UBXN8: variants seen among roughly 807,000 people sequenced by gnomAD.
UBXN8 encodes UBX domain-containing protein 8.
UBXN8 carries 27 observed loss-of-function variants against 32.1 expected under a neutral mutation model. That is an observed-to-expected ratio of 0.84 (90% CI 0.62 to 1.16). The LOEUF (loss-of-function observed/expected upper bound fraction) is 1.16, where lower values mean the gene tolerates loss of function less well. Among genes scored for constraint, UBXN8 ranks in the 50% most tolerant of loss-of-function variants. The pLI, the probability that UBXN8 is intolerant of heterozygous loss-of-function variation, is 0.00. For synonymous variants in UBXN8, 109 were observed against 111.8 expected (o/e 0.98, Z 0.16); for missense variants, 306 against 311.4 (o/e 0.98, Z 0.13).
intron 2 of UBXN8, among the ~76,000 whole-genome samples, chr8:30,751,906 T>C (rs1182453213): frequency 6.6e-6 from 1 of 151,312 alleles, no homozygotes; most frequent in Non-Finnish European, 1.5e-5. Flanking sequence ...TTTTTTTTTT[T>C]TTTTTTGAGA....
At position 30,746,869 on chromosome 8, in the gene UBXN8, C is replaced by CT. The variant is rs776852437; in HGVS notation, c.88+2594dup. Among the ~76,000 whole-genome samples the CT allele has an allele frequency of 2.9e-5, 4 of 139,718 alleles. 1 individual carries two copies. Among genetic ancestry groups the CT allele is most frequent in the Non-Finnish European group, 6.2e-5 (4 of 64,936 alleles). The allele number at this position is 139,718 out of a possible 152,430, so 91.7% of individuals were successfully genotyped here. ...CAGTTCCTCACGTTGAAGTACACTG[C>CT]TTATGGGGTCTATAGTTTAAGTACA... On this transcript the variant is annotated intron_variant, in intron 1 of 7. Transcript: ENST00000265616.
intron 1 of UBXN8, among the ~76,000 whole-genome samples, chr8:30,748,500 A>ATC (rs1038547257): frequency 2.7e-5 from 4 of 150,670 alleles, no homozygotes; most frequent in Non-Finnish European, 5.9e-5. Flanking sequence ...ATATACATCT[A>ATC]TCTGTTTTCA....
intron 3 of UBXN8, among the ~76,000 whole-genome samples, chr8:30,753,959 G>T (rs1805580784): frequency 6.6e-6 from 1 of 151,678 alleles, no homozygotes; most frequent in Admixed American, 6.6e-5. Context: ...AAAAAATTTT[G>T]GGCCAGGCGT....
At chr8:30,750,157 T>G (rs1490966564) in intron 1 of UBXN8, among the ~76,000 whole-genome samples, 1 of 152,044 alleles carries the variant, frequency 6.6e-6, no homozygotes, top group Non-Finnish European at 1.5e-5. Context: ...CATTGAGCAT[T>G]TAAGCACCTG....
intron 5 of UBXN8, among the ~76,000 whole-genome samples, chr8:30,760,068 T>TC (rs1258597494): frequency 1.4e-4 from 21 of 148,594 alleles, no homozygotes; most frequent in South Asian, 4.2e-4. Flanking sequence ...TCTTTTCTTT[T>TC]TTTTTTTTTT....
chr8:30,760,437 A>T (rs866008791), intron 5 of UBXN8, among the ~76,000 whole-genome samples: 2,163 of 44,604 alleles, frequency 0.048, 72 homozygotes, highest in African/African-American at 0.18. Context: ...ATATATATAT[A>T]TATATATTTT....
chr8:30,748,160 C>CT (rs1328648524), intron 1 of UBXN8, among the ~76,000 whole-genome samples: 1 of 150,290 alleles, frequency 6.7e-6, no homozygotes, highest in Non-Finnish European at 1.5e-5. Context: ...GAGTCTCACT[C>CT]TGTCACCCAG....
chr8:30,730,237 A>T (rs564915655), upstream of UBXN8, among the ~76,000 whole-genome samples: 2 of 152,318 alleles, frequency 1.3e-5, no homozygotes, highest in East Asian at 1.9e-4. Context: ...GAGCAGCGGT[A>T]TACTGGAATA....
intron 3 of UBXN8, 60 bp from the exon 4 acceptor site, chr8:30,754,605 G>C (rs1230789997): frequency 3.3e-5 from 49 of 1,503,912 alleles, no homozygotes; most frequent in Middle Eastern, 3.6e-4. Flanking sequence ...TTTATAGACA[G>C]TGTACATTTT....
upstream of UBXN8, among the ~76,000 whole-genome samples, chr8:30,731,458 G>A (rs1586081638): frequency 6.6e-6 from 1 of 152,178 alleles, no homozygotes; most frequent in East Asian, 1.9e-4. Flanking sequence ...TTTTGTACAT[G>A]CCTGATTATC....
intron 1 of UBXN8, among the ~76,000 whole-genome samples, chr8:30,738,962 A>G (rs945059258): frequency 6.6e-6 from 1 of 150,756 alleles, no homozygotes; most frequent in African/African-American, 2.4e-5. Flanking sequence ...ATCTCAAAAA[A>G]GGCTTTTTTG....
Position 30,754,680 on chromosome 8 carries a change from G to A in UBXN8, c.298G>A (p.Glu100Lys). 2.6e-6 allele frequency: 4 copies of A among 1,556,214 alleles called. No homozygotes were observed. The highest frequency in any genetic ancestry group is 2.6e-6 in the Non-Finnish European group (3 of 1,162,724). ...AQGEKASRYI[E>K]NVLKPHQEMK... ...TTTTCAACAGGCCAGCAGATACATA[G>A]AGAATGTTTTAAAACCTCACCAGGA... The change falls in exon 4 of 8, where the codon GAG becomes AAG. Residue 100 changes from glutamate to lysine, a missense_variant. By Grantham distance (56) the Glu-to-Lys change is moderately conservative (BLOSUM62 1). Coordinates refer to ENST00000265616, the MANE Select transcript of UBXN8 (RefSeq NM_005671.4).
intron 1 of UBXN8, among the ~76,000 whole-genome samples, chr8:30,747,307 G>GGTT (rs567878886): frequency 1.1e-4 from 9 of 81,724 alleles, no homozygotes; most frequent in Admixed American, 1.8e-4. Context: ...CCTCAGTGGT[G>GGTT]TTTTTTTTTT....
chr8:30,743,609 C>A (rs545375101), upstream of UBXN8, among the ~76,000 whole-genome samples: 1 of 152,206 alleles, frequency 6.6e-6, no homozygotes, highest in East Asian at 1.9e-4. Context: ...TGAAAAGGGG[C>A]GGAACAAGGG....
upstream of UBXN8, among the ~76,000 whole-genome samples, chr8:30,740,075 A>G (rs1805164236): frequency 6.8e-6 from 1 of 147,120 alleles, no homozygotes; most frequent in African/African-American, 2.6e-5. Flanking sequence ...CTAATTAAAA[A>G]ATGTGTTTTT....
At chr8:30,760,827 C>T in intron 5 of UBXN8, 61 bp from the exon 6 acceptor site, 2 of 1,106,644 alleles carry the variant, frequency 1.8e-6, no homozygotes, top group African/African-American at 1.6e-5. Flanking sequence ...AGGAACTCTT[C>T]TCATTGACAC....
At position 30,751,434 on chromosome 8, in the gene UBXN8, C is replaced by T; in HGVS notation, c.127C>T (p.Leu43=). Residue 43 remains leucine (L), a synonymous_variant, in exon 2 of 8, where the codon CTA becomes TTA. Transcript: ENST00000265616. The part of the protein sequence containing the change: ...DFLLLCGRIL[L]LLALLTLTIS... ...TCTTTTGCTTTGTGGCCGGATTTTG[C>T]TACTGCTTGCTCTTCTTACTTTAAC... The T allele has an allele frequency of 1.2e-6, 2 of 1,602,866 alleles. No individual in the cohort carries two copies. The highest frequency in any genetic ancestry group is 1.7e-6 in the Non-Finnish European group (2 of 1,173,852).
intron 5 of UBXN8, among the ~76,000 whole-genome samples, chr8:30,760,420 C>CATATATATATATAT (rs1307823939): frequency 3.5e-5 from 3 of 85,606 alleles, no homozygotes; most frequent in African/African-American, 1.2e-4. Context: ...CATACACAAT[C>CATATATATATATAT]ATATATATAT....
chr8:30,765,766 G>C (rs575160264), intron 7 of UBXN8, among the ~76,000 whole-genome samples: 2 of 151,958 alleles, frequency 1.3e-5, no homozygotes, highest in South Asian at 2.1e-4. Context: ...CCAGCACTTC[G>C]GGAGGCCCAG....
Sources: allele counts gnomAD v4.1 joint callset (sites outside exome capture counted in the v4.1 genomes callset), GRCh38; gene constraint gnomAD v4.1.1; transcripts MANE v1.5; gene names NCBI Gene and HGNC (gene_info 2026-07-23, HGNC 2026-07-21).